The following TTC39A variants were observed in gnomAD, a reference collection of about 807,000 sequenced individuals.
TTC39A encodes the protein tetratricopeptide repeat protein 39A.
A neutral mutation model predicts 82.3 loss-of-function variants in TTC39A; 46 were observed. The observed-to-expected ratio is 0.56, with a 90% CI of 0.44 to 0.71. TTC39A has a LOEUF of 0.71. Ranked by LOEUF, TTC39A falls within the 30% of genes least tolerant of loss-of-function variation. TTC39A has a pLI of 0.00. For missense variants in TTC39A, 543 were observed against 712.9 expected (o/e 0.76, Z 2.71); for synonymous variants, 254 against 275.2 (o/e 0.92, Z 0.76).
Position 51,288,802 on chromosome 1 carries a change from G to A in TTC39A, c.1610+37C>T. 1 of 1,552,742 alleles carries A rather than the reference G, an allele frequency of 6.4e-7. No individual in the cohort carries two copies. Among genetic ancestry groups the A allele is most frequent in the Non-Finnish European group, 8.7e-7 (1 of 1,143,706 alleles). On this transcript the variant is annotated intron_variant, in intron 17 of 17. Coordinates refer to ENST00000680483, the MANE Select transcript of TTC39A (RefSeq NM_001297663.2). This position sits in a 1 kb window ranked among gnomAD's most constrained non-coding sequence, Gnocchi z 4.8. ...AGCCAGCTCCTGAGCTGAGTTCAGA[G>A]GGAGCAAAGGACAGACTGAGGTTAC...
At chr1:51,318,041 C>G (rs1039916119) in intron 2 of TTC39A, among the ~76,000 whole-genome samples, 1 of 152,160 alleles carries the variant, frequency 6.6e-6, no homozygotes, top group Admixed American at 6.5e-5. Context: ...CAGCCACAGC[C>G]TTTGGTTTTA....
Position 51,321,859 on chromosome 1 carries a change from C to A in TTC39A, c.42-34G>T, listed in dbSNP as rs76062749. 7,716 of 1,566,656 alleles carry A rather than the reference C, an allele frequency of 4.9e-3. 33 individuals are homozygous for A. Among genetic ancestry groups the A allele is most frequent in the African/African-American group, 0.017 (1,276 of 73,992 alleles). Reference sequence around the variant, plus strand: ...AGAGATGCGGGGCATGACACAGGGGCCCTCCAACCCTCCAGCCTCTCCTGG... The same window carrying A: ...AGAGATGCGGGGCATGACACAGGGGACCTCCAACCCTCCAGCCTCTCCTGG... On this transcript the variant is annotated intron_variant, in intron 1 of 17. Transcript: ENST00000680483. This position sits in a 1 kb window ranked among gnomAD's most constrained non-coding sequence, Gnocchi z 4.6.
rs1569965096 is a variant in TTC39A at position 51,321,880 on chromosome 1, C to G, written c.42-55G>C. 1.3e-6 allele frequency: 2 copies of G among 1,516,122 alleles called. No homozygotes were observed. The highest frequency in any genetic ancestry group is 1.8e-6 in the Non-Finnish European group (2 of 1,106,314). 93.9% of individuals were successfully genotyped at this position (1,516,122 alleles called of 1,614,324 possible). ...GGGGCCCTCCAACCCTCCAGCCTCT[C>G]CTGGCTGGAACAGAGCCTCACAGGG... On this transcript the variant is annotated intron_variant, in intron 1 of 17. Coordinates refer to ENST00000680483, the MANE Select transcript of TTC39A (RefSeq NM_001297663.2). This position sits in a 1 kb window ranked among gnomAD's most constrained non-coding sequence, Gnocchi z 4.6.
Position 51,343,119 on chromosome 1 carries a change from TC to T in TTC39A, c.53+1871del, listed in dbSNP as rs1289374375. The T allele has an allele frequency of 1.5e-5, 7 of 455,036 alleles. 1 individual carries two copies. Among genetic ancestry groups the T allele is most frequent in the South Asian group, 1.1e-4 (7 of 64,524 alleles). 28.2% of individuals were successfully genotyped at this position (455,036 alleles called of 1,614,324 possible). On this transcript the variant is annotated intron_variant, in intron 1 of 5. Transcript: ENST00000401051. ...GCCATGTGGCCAAGTGATCTCGTGC[TC>T]CTCAGAAATCATCCCATGTCCTCAT...
intron 2 of TTC39A, among the ~76,000 whole-genome samples, chr1:51,315,553 G>C (rs572041076): frequency 5.3e-5 from 8 of 152,240 alleles, no homozygotes; most frequent in African/African-American, 1.9e-4. Flanking sequence ...CGTGCTCACT[G>C]AAGCTCCCCC....
At chr1:51,315,720 G>A (rs1350965770) in intron 2 of TTC39A, among the ~76,000 whole-genome samples, 3 of 152,158 alleles carry the variant, frequency 2.0e-5, no homozygotes, top group Non-Finnish European at 2.9e-5. Flanking sequence ...CAAGGTGAGT[G>A]TCTCCATCTC....
In TTC39A at chr1:51,290,599, G is replaced by T. The variant is rs61740508; in HGVS notation, c.1293C>A (p.Tyr431Ter). 1.2e-6 allele frequency: 2 copies of T among 1,613,510 alleles called. No individual in the cohort carries two copies. Among genetic ancestry groups the T allele is most frequent in the Non-Finnish European group, 8.5e-7 (1 of 1,179,740 alleles). The stretch of plus-strand genomic sequence containing the variant: ...GTTTCGGCTGCTTCCCAATCACGGC[G>T]TAGCCGTTCCAGATGTACATCATTT... Reference protein sequence around the residue: ...ALEMMYIWNGYAVIGKQPKLT... With the variant: ...ALEMMYIWNG The change falls in exon 15 of 18, where the codon TAC becomes TAA. Residue 431 changes from tyrosine (Y) to a stop codon, truncating the protein, a stop_gained. Transcript: ENST00000680483. LOFTEE classifies it high-confidence loss of function.
At chr1:51,302,473 G>A in intron 10 of TTC39A, 33 bp downstream of exon 10, 1 of 1,607,310 alleles carries the variant, frequency 6.2e-7, no homozygotes. Flanking sequence ...GGTGTTTGTG[G>A]GCTGGGGGTA....
At chr1:51,343,368 A>G (rs915748410) in intron 1 of TTC39A, among the ~76,000 whole-genome samples, 2 of 152,128 alleles carry the variant, frequency 1.3e-5, no homozygotes, top group East Asian at 3.9e-4. Context: ...GTGGCTTCCC[A>G]CCACACAGTG....
intron 11 of TTC39A, 56 bp from the exon 12 acceptor site, chr1:51,301,789 C>T (rs1644669104): frequency 1.9e-6 from 3 of 1,570,748 alleles, no homozygotes; most frequent in East Asian, 4.5e-5. Context: ...AACCCCTCTG[C>T]ATCCTCCGAA....
Position 51,294,482 on chromosome 1 carries a change from G to T in TTC39A, c.1175C>A (p.Ala392Asp). ...CTTCTCTGTGGGTAGAGATTTCCCA[G>T]CAATCTTGAGCTTCAGGCCTGGCAC... ...RAVPGLKLKIAGKSLPTEKFA... is the reference protein window; with the variant it reads ...RAVPGLKLKIDGKSLPTEKFA... Residue 392 changes from alanine to aspartate, a missense_variant, in exon 14 of 18, where the codon GCT (alanine) becomes GAT (aspartate). Transcript: ENST00000680483. The surrounding 1 kb of genome is among the most constrained non-coding windows in gnomAD (Gnocchi z 4.3). 1 of 1,613,958 alleles carries T rather than the reference G, an allele frequency of 6.2e-7. No individual in the cohort carries two copies. Among genetic ancestry groups the T allele is most frequent in the Non-Finnish European group, 8.5e-7 (1 of 1,179,868 alleles).
At chr1:51,325,118 G>T (rs1304555926) in intron 1 of TTC39A, among the ~76,000 whole-genome samples, 3 of 152,170 alleles carry the variant, frequency 2.0e-5, no homozygotes, top group Middle Eastern at 6.8e-3. Flanking sequence ...ACTGGGCGTG[G>T]TGGCATATGC....
At chr1:51,309,430 C>G (rs1158886064) in intron 5 of TTC39A, 105 bp from the exon 6 acceptor site, 5 of 1,580,734 alleles carry the variant, frequency 3.2e-6, no homozygotes, top group African/African-American at 2.7e-5. Flanking sequence ...TGTGAGGAAC[C>G]CTGGGGGGAT....
chr1:51,312,736 T>TTAGG, intron 3 of TTC39A, 76 bp downstream of exon 3: 14 of 1,563,012 alleles, frequency 9.0e-6, no homozygotes, highest in Non-Finnish European at 1.1e-5. Flanking sequence ...TAGTGGCATG[T>TTAGG]TAGGCCCTGG....
At chr1:51,320,414 T>G (rs1403437922) in intron 2 of TTC39A, among the ~76,000 whole-genome samples, 1 of 121,110 alleles carries the variant, frequency 8.3e-6, no homozygotes, top group East Asian at 2.3e-4. Flanking sequence ...CTTTTTCTTT[T>G]TCTTTTTTTT....
rs34785273 is a variant in TTC39A at position 51,329,187 on chromosome 1, T to C, written c.41+1250A>G. ...GAATGTGGTTTTCAGCCAGGGAGTC[T>C]AGACTTCTTTGATAGATACCTTGCT... On this transcript the variant is annotated intron_variant, in intron 1 of 17. Transcript: ENST00000680483. 8.3e-3 allele frequency among the ~76,000 whole-genome samples: 1,267 copies of C among 152,280 alleles called. 11 individuals carry two copies. Among genetic ancestry groups the C allele is most frequent in the Admixed American group, 0.017 (265 of 15,288 alleles).
chr1:51,326,191 G>C (rs561253545), intron 1 of TTC39A, among the ~76,000 whole-genome samples: 2 of 152,284 alleles, frequency 1.3e-5, no homozygotes, highest in East Asian at 3.9e-4. Context: ...GGAATCACTG[G>C]GGGCCAAAGG....
intron 2 of TTC39A, among the ~76,000 whole-genome samples, chr1:51,316,261 T>C (rs539755552): frequency 6.6e-6 from 1 of 152,312 alleles, no homozygotes; most frequent in South Asian, 2.1e-4. Context: ...CTTTGAGTCA[T>C]AGCGTGACCT....
chr1:51,293,489 G>A (rs549752047), intron 14 of TTC39A, among the ~76,000 whole-genome samples: 47 of 152,166 alleles, frequency 3.1e-4, no homozygotes, highest in Non-Finnish European at 5.4e-4. Flanking sequence ...CATTTTCCTC[G>A]TTGATACTCA....
Sources: allele counts gnomAD v4.1 joint callset (sites outside exome capture counted in the v4.1 genomes callset), GRCh38; gene constraint gnomAD v4.1.1; non-coding constraint Gnocchi (gnomAD v3.1); transcripts MANE v1.5; gene names NCBI Gene and HGNC (gene_info 2026-07-23, HGNC 2026-07-21).